Variants in STARD3 observed in about 807,000 individuals in gnomAD.
The protein encoded by STARD3 is StAR related lipid transfer domain containing 3.
In STARD3, 39 loss-of-function variants were observed where a neutral mutation model predicts 62.0. The observed-to-expected ratio is 0.63, with a 90% CI of 0.49 to 0.82. The LOEUF (loss-of-function observed/expected upper bound fraction) is 0.82. Ranked by LOEUF, STARD3 falls within the 40% of genes least tolerant of loss-of-function variation. The pLI, the probability that STARD3 is intolerant of heterozygous loss-of-function variation, is 0.00. For missense variants in STARD3, 543 were observed against 584.5 expected, an observed-to-expected ratio of 0.93 and a Z score of 0.73; for synonymous variants, 229 against 242.4, an observed-to-expected ratio of 0.94 and a Z score of 0.51.
intron 1 of STARD3, among the ~76,000 whole-genome samples, chr17:39,646,605 G>A (rs2057028134): frequency 6.6e-6 from 1 of 152,160 alleles, no homozygotes; most frequent in African/African-American, 2.4e-5. Context: ...GAAGGGTTAT[G>A]CTTTGCCCCA....
intron 1 of STARD3, chr17:39,637,635 C>G (rs2056944331): frequency 6.6e-6 from 1 of 152,236 alleles, no homozygotes; most frequent in Non-Finnish European, 1.5e-5. Flanking sequence ...CGTGTCTCCC[C>G]AACTTCCTTT....
In STARD3 at chr17:39,662,880, G is replaced by C. The variant is rs764153976; in HGVS notation, c.1310G>C (p.Arg437Pro). 6.2e-7 allele frequency: 1 copy of C among 1,611,868 alleles called. No homozygotes were observed. Among genetic ancestry groups the C allele is most frequent in the African/African-American group, 1.3e-5 (1 of 74,808 alleles). Residue 437 changes from arginine (R) to proline (P), a missense_variant, in exon 15 of 15, where the codon CGC (arginine) becomes CCC (proline). By Grantham distance (103) the Arg-to-Pro change is moderately radical. Coordinates refer to ENST00000336308, the MANE Select transcript of STARD3 (RefSeq NM_006804.4). ...MFEFAFHLRQRISELGARA is the reference protein window; with the variant it reads ...MFEFAFHLRQPISELGARA ...GAATTTGCCTTTCACCTGCGACAGC[G>C]CATCAGCGAGCTGGGGGCCCGGGCG...
chr17:39,657,504 G>A (rs2057142389), intron 3 of STARD3, among the ~76,000 whole-genome samples: 2 of 151,420 alleles, frequency 1.3e-5, no homozygotes, highest in African/African-American at 2.4e-5. Context: ...TCCAGCCTGG[G>A]CGACAGAGCG....
chr17:39,648,456 G>C (rs1360719035), intron 1 of STARD3, among the ~76,000 whole-genome samples: 1 of 152,146 alleles, frequency 6.6e-6, no homozygotes, highest in East Asian at 1.9e-4. Flanking sequence ...GACAGAGTGA[G>C]ATCCTCTCTT....
intron 1 of STARD3, among the ~76,000 whole-genome samples, chr17:39,643,630 C>T (rs193096927): frequency 1.1e-4 from 17 of 152,132 alleles, no homozygotes; most frequent in Admixed American, 9.8e-4. Flanking sequence ...CCAAGGCCAA[C>T]CTCCTCCACA....
rs763015814 is a variant in STARD3, at chr17:39,653,574, A to T, written c.43A>T (p.Ser15Cys). ...GGAGCTGACCCGAGACTTGGAGCGC[A>T]GCCTGCCTGCCGTGGCCTCCCTGGG... ...PRELTRDLER[S>C]LPAVASLGSS... The change falls in exon 2 of 15, where the codon AGC becomes TGC. Residue 15 changes from serine (S) to cysteine (C), a missense_variant. Transcript: ENST00000336308. The T allele has an allele frequency of 6.2e-6, 10 of 1,609,106 alleles. No homozygotes were observed. In the South Asian group the frequency reaches 7.7e-5, roughly 12 times the overall value.
chr17:39,659,316 C>A, intron 8 of STARD3, 145 bp from the exon 9 acceptor site: 1 of 977,340 alleles, frequency 1.0e-6, no homozygotes, highest in Non-Finnish European at 1.5e-6. Flanking sequence ...GCCTGCAGGG[C>A]CCAGGGAGAC....
intron 2 of STARD3, 194 bp from the exon 3 acceptor site, chr17:39,656,814 G>T: frequency 1.7e-6 from 1 of 591,294 alleles, no homozygotes; most frequent in Admixed American, 3.0e-5. Context: ...TAGAGGACTG[G>T]TATTGGTGCC....
At chr17:39,655,344 T>C (rs2057116908) in intron 2 of STARD3, among the ~76,000 whole-genome samples, 1 of 149,620 alleles carries the variant, frequency 6.7e-6, no homozygotes, top group Admixed American at 6.6e-5. Context: ...TGACCACATT[T>C]GGCTATTTTT....
chr17:39,639,230 G>A (rs1292570798), intron 1 of STARD3, among the ~76,000 whole-genome samples: 1 of 152,242 alleles, frequency 6.6e-6, no homozygotes, highest in African/African-American at 2.4e-5. Flanking sequence ...ATTGGATAGA[G>A]CCTGGCTCTT....
In STARD3 at chr17:39,663,723, G is replaced by T. The variant is rs2057228459; in HGVS notation, c.*815G>T. 6.7e-6 allele frequency among the ~76,000 whole-genome samples: 1 copy of T among 148,446 alleles called. No homozygotes were observed. Among genetic ancestry groups the T allele is most frequent in the Admixed American group, 6.9e-5 (1 of 14,476 alleles). The stretch of plus-strand genomic sequence containing the variant: ...AAAAAAATGCCCCGCCCCCTGCCAG[G>T]CTTCAGCGGGGCAAGTTTAAAGTCT... On this transcript the variant is annotated 3_prime_UTR_variant, in exon 15 of 15. Coordinates refer to ENST00000336308, the MANE Select transcript of STARD3 (RefSeq NM_006804.4).
intron 1 of STARD3, among the ~76,000 whole-genome samples, chr17:39,641,495 G>A (rs2056982785): frequency 6.6e-6 from 1 of 151,982 alleles, no homozygotes; most frequent in Admixed American, 6.6e-5. Context: ...GCCCCCTGAA[G>A]CCAGGGTCTA....
intron 1 of STARD3, among the ~76,000 whole-genome samples, chr17:39,638,522 ACCT>A (rs1370452855): frequency 1.4e-5 from 2 of 147,412 alleles, no homozygotes; most frequent in African/African-American, 5.0e-5. Context: ...CTGCTTGGAA[ACCT>A]CCTCCTTCTC....
At chr17:39,661,962 G>A (rs1052795242) in intron 13 of STARD3, among the ~76,000 whole-genome samples, 1 of 152,208 alleles carries the variant, frequency 6.6e-6, no homozygotes, top group Non-Finnish European at 1.5e-5. Context: ...TCTGGACAGA[G>A]TGTATGAGGG....
At chr17:39,638,652 A>G (rs2056957315) in intron 1 of STARD3, among the ~76,000 whole-genome samples, 1 of 152,214 alleles carries the variant, frequency 6.6e-6, no homozygotes, top group Non-Finnish European at 1.5e-5. Context: ...ATAGCATAGT[A>G]GCTGAGAATA....
intron 1 of STARD3, among the ~76,000 whole-genome samples, chr17:39,651,106 G>A (rs774421874): frequency 6.6e-6 from 1 of 152,228 alleles, no homozygotes; most frequent in Non-Finnish European, 1.5e-5. Flanking sequence ...CAGCTTTTCC[G>A]TAGCACTGTG....
At chr17:39,662,563 G>A (rs1555606319) in intron 14 of STARD3, 3 of 630,416 alleles carry the variant, frequency 4.8e-6, no homozygotes, top group South Asian at 3.9e-5. Context: ...GAGTCCTGAG[G>A]CCCTGAGGAA....
chr17:39,655,436 G>A (rs576638568), intron 2 of STARD3, among the ~76,000 whole-genome samples: 10 of 151,690 alleles, frequency 6.6e-5, no homozygotes, highest in South Asian at 4.2e-4. Context: ...CTCCCATCTC[G>A]GCCTCTCACA....
intron 13 of STARD3, 41 bp from the exon 14 acceptor site, chr17:39,662,209 CA>C: frequency 3.2e-6 from 5 of 1,581,624 alleles, no homozygotes; most frequent in Non-Finnish European, 4.3e-6. Flanking sequence ...GTCAGGGCCT[CA>C]CTCTGTTCCA....
Sources: allele counts gnomAD v4.1 joint callset (sites outside exome capture counted in the v4.1 genomes callset), GRCh38; gene constraint gnomAD v4.1.1; transcripts MANE v1.5; gene names NCBI Gene and HGNC (gene_info 2026-07-23, HGNC 2026-07-21).